Variants in AASS observed in about 807,000 individuals in gnomAD.
AASS encodes aminoadipate-semialdehyde synthase, also known as alpha-aminoadipic semialdehyde synthase, mitochondrial.
Under a neutral mutation model 105.4 loss-of-function variants are expected in AASS, and 86 were observed. The observed-to-expected ratio is 0.82, with a 90% CI of 0.69 to 0.98. The LOEUF (loss-of-function observed/expected upper bound fraction) is 0.98. Ranked by LOEUF, AASS falls within the 50% of genes least tolerant of loss-of-function variation. The pLI is 0.00. For missense variants in AASS, 1,048 were observed against 1,143.2 expected (o/e 0.92, Z 1.20); for synonymous variants, 381 against 394.8 (o/e 0.96, Z 0.41).
intron 4 of AASS, among the ~76,000 whole-genome samples, chr7:122,121,030 C>T (rs279680): frequency 0.1 from 15,505 of 151,834 alleles, 1,102 homozygotes; most frequent in African/African-American, 0.2. Flanking sequence ...TTAAAGCTAC[C>T]ATGTTGCTGT....
intron 1 of AASS, among the ~76,000 whole-genome samples, chr7:122,137,497 C>A (rs1345247101): frequency 6.6e-6 from 1 of 152,144 alleles, no homozygotes; most frequent in East Asian, 1.9e-4. Flanking sequence ...GACCCCTTTT[C>A]CTGCTTTATA....
chr7:122,092,501 G>A (rs768492819), intron 17 of AASS, among the ~76,000 whole-genome samples: 2 of 152,148 alleles, frequency 1.3e-5, no homozygotes, highest in South Asian at 2.1e-4. Context: ...GAGGGGGGCA[G>A]ATGACCTGAG....
At chr7:122,143,850 GA>G (rs1796512374) in intron 1 of AASS, among the ~76,000 whole-genome samples, 1 of 152,168 alleles carries the variant, frequency 6.6e-6, no homozygotes, top group African/African-American at 2.4e-5. Context: ...AAAGAAATCC[GA>G]ATTGCAATCC....
intron 4 of AASS, among the ~76,000 whole-genome samples, chr7:122,120,668 CT>C (rs1584879939): frequency 1.3e-5 from 2 of 151,870 alleles, no homozygotes; most frequent in East Asian, 3.9e-4. Context: ...TAAAAACTGT[CT>C]TCTCTAATAA....
At chr7:122,129,599 G>T in intron 2 of AASS, 62 bp from the exon 3 acceptor site, 1 of 1,498,900 alleles carries the variant, frequency 6.7e-7, no homozygotes. Flanking sequence ...GTTTTCTTGA[G>T]CAAAATGTGT....
In AASS at chr7:122,077,694, G is replaced by C. The variant is rs560476837; in HGVS notation, c.2662+144C>G. 329 of 1,002,618 alleles carry C rather than the reference G, an allele frequency of 3.3e-4. 2 individuals are homozygous for C. In the South Asian group the frequency reaches 4.3e-3, roughly 13 times the overall value. The allele number at this position is 1,002,618 out of a possible 1,614,324, so 62.1% of individuals were successfully genotyped here. Reference sequence around the variant, plus strand: ...TTACTCATCAAAAGGGGACCTCCCAGGCAGTCCGCGCTTGGATCTTCTAAG... The same window carrying C: ...TTACTCATCAAAAGGGGACCTCCCACGCAGTCCGCGCTTGGATCTTCTAAG... On this transcript the variant is annotated intron_variant, in intron 23 of 23. Coordinates refer to ENST00000417368, the MANE Select transcript of AASS (RefSeq NM_005763.4).
At chr7:122,079,385 A>G in intron 21 of AASS, 1 of 1,365,502 alleles carries the variant, frequency 7.3e-7, no homozygotes, top group Non-Finnish European at 9.6e-7. Flanking sequence ...AAGTGTTTCG[A>G]GATAAGCATT....
intron 15 of AASS, among the ~76,000 whole-genome samples, chr7:122,095,417 A>G (rs930366562): frequency 6.6e-6 from 1 of 152,040 alleles, no homozygotes; most frequent in Non-Finnish European, 1.5e-5. Flanking sequence ...ATAATAAAAT[A>G]CTCTGTTAAT....
chr7:122,101,487 C>T, intron 12 of AASS, 49 bp from the exon 13 acceptor site: 1 of 1,540,284 alleles, frequency 6.5e-7, no homozygotes, highest in Non-Finnish European at 9.0e-7. Context: ...CATTTTAGTC[C>T]TACAAACAAG....
intron 18 of AASS, among the ~76,000 whole-genome samples, chr7:122,089,444 A>G (rs1414765974): frequency 3.3e-5 from 5 of 152,306 alleles, no homozygotes; most frequent in Middle Eastern, 3.4e-3. Flanking sequence ...CTCCAGTGTC[A>G]GAGAGATGCA....
chr7:122,095,979 G>A (rs899052821), intron 15 of AASS, among the ~76,000 whole-genome samples: 37 of 152,044 alleles, frequency 2.4e-4, no homozygotes, highest in Non-Finnish European at 5.0e-4. Context: ...TAGAATGATA[G>A]GACTTTGCCT....
intron 18 of AASS, among the ~76,000 whole-genome samples, chr7:122,090,664 C>A (rs913105692): frequency 1.3e-5 from 2 of 152,150 alleles, no homozygotes; most frequent in Non-Finnish European, 2.9e-5. Flanking sequence ...GAGGTGCCTA[C>A]AACACACAAT....
In AASS at chr7:122,078,885, T is replaced by C; in HGVS notation, c.2462A>G (p.His821Arg). 6.2e-7 allele frequency: 1 copy of C among 1,614,104 alleles called. No homozygotes were observed. Among genetic ancestry groups the C allele is most frequent in the Non-Finnish European group, 8.5e-7 (1 of 1,180,006 alleles). The change falls in exon 22 of 24, where the codon CAT becomes CGT. Residue 821 changes from histidine to arginine, a missense_variant. By Grantham distance (29) the His-to-Arg change is conservative (BLOSUM62 0). Transcript: ENST00000417368. ...ACCATAGGAAAGCTTCATGACCAAA[T>C]GCTTGGAGAGGGCATCCAGAATGGA... is the stretch of plus-strand genomic sequence containing the variant. ...AESILDALSK[H>R]LVMKLSYGPE...
Position 122,113,681 on chromosome 7 carries a change from C to A in AASS, c.1083G>T (p.Gly361=). The change falls in exon 10 of 24, where the codon GGG becomes GGT. Residue 361 remains glycine (G), a synonymous_variant. Coordinates refer to ENST00000417368, the MANE Select transcript of AASS (RefSeq NM_005763.4). The part of the protein sequence containing the change: ...AICDISADTG[G]SIEFMTECTT... ...TACACTCAGTCATAAACTCTATAGA[C>A]CCTCCTGTGTCAGCTGAAATGTCAC... 1.9e-6 allele frequency: 3 copies of A among 1,613,366 alleles called. No homozygotes were observed. The highest frequency in any genetic ancestry group is 1.3e-5 in the African/African-American group (1 of 74,956).
chr7:122,080,551 T>A (rs966806603), intron 20 of AASS, among the ~76,000 whole-genome samples: 42 of 152,214 alleles, frequency 2.8e-4, no homozygotes, highest in African/African-American at 1.0e-3. Flanking sequence ...CAAGTAAGTT[T>A]ATGAAAGGTA....
intron 18 of AASS, among the ~76,000 whole-genome samples, chr7:122,090,289 G>A (rs1433903756): frequency 6.6e-6 from 1 of 152,066 alleles, no homozygotes; most frequent in Non-Finnish European, 1.5e-5. Context: ...GTGATTCTCT[G>A]ATCATTAAAT....
chr7:122,075,803 G>A lies in AASS; in HGVS notation c.*686C>T, dbSNP rs1045057388. 6.6e-6 allele frequency: 1 copy of A among 151,984 alleles called. No homozygotes were observed. Among genetic ancestry groups the A allele is most frequent in the Non-Finnish European group, 1.5e-5 (1 of 67,996 alleles). The allele number at this position is 151,984 out of a possible 1,614,324, so 9.4% of individuals were successfully genotyped here. On this transcript the variant is annotated 3_prime_UTR_variant, in exon 24 of 24. Transcript: ENST00000417368. ...AATAAATCATAACTTTACAAAAAGG[G>A]CATAAAATAGCATTTTGGCAAAAAC... is the stretch of plus-strand genomic sequence containing the variant.
chr7:122,105,130 C>A (rs1469217598), intron 11 of AASS, among the ~76,000 whole-genome samples: 1 of 151,762 alleles, frequency 6.6e-6, no homozygotes, highest in Non-Finnish European at 1.5e-5. Flanking sequence ...TCACAAGAGA[C>A]AAAGAAAGTC....
intron 8 of AASS, 146 bp downstream of exon 8, chr7:122,116,487 A>G: frequency 1.0e-6 from 1 of 962,716 alleles, no homozygotes; most frequent in Non-Finnish European, 1.6e-6. Flanking sequence ...AAAAGATGAT[A>G]GCTCCAAAGG....
Sources: allele counts gnomAD v4.1 joint callset (sites outside exome capture counted in the v4.1 genomes callset), GRCh38; gene constraint gnomAD v4.1.1; transcripts MANE v1.5; gene names NCBI Gene and HGNC (gene_info 2026-07-23, HGNC 2026-07-21).